Variants in ANXA7 observed in about 807,000 individuals in gnomAD.
ANXA7 encodes the protein annexin VII.
Under a neutral mutation model 64.9 loss-of-function variants are expected in ANXA7, and 55 were observed. The observed-to-expected ratio is 0.85, with a 90% CI of 0.68 to 1.06. ANXA7 has a LOEUF of 1.06. Among genes scored for constraint, ANXA7 ranks in the 50% least tolerant of loss-of-function variants. ANXA7 has a pLI of 0.00. For synonymous variants in ANXA7, 200 were observed against 192.4 expected (o/e 1.04, Z -0.33); for missense variants, 548 against 582.1 (o/e 0.94, Z 0.60).
intron 9 of ANXA7, 109 bp downstream of exon 9, chr10:73,383,066 C>T (rs1210656502): frequency 3.1e-6 from 3 of 955,500 alleles, no homozygotes; most frequent in Non-Finnish European, 4.6e-6. Flanking sequence ...TTAAAGATGG[C>T]AATATTGCAA....
chr10:73,400,881 C>T, intron 1 of ANXA7, 24 bp from the exon 2 acceptor site: 1 of 1,570,554 alleles, frequency 6.4e-7, no homozygotes, highest in South Asian at 1.2e-5. Flanking sequence ...AAAAAATGTC[C>T]TCTGTAAGTT....
At chr10:73,387,823 T>C (rs2055401264) in intron 6 of ANXA7, 40 bp from the exon 7 acceptor site, 1 of 1,310,818 alleles carries the variant, frequency 7.6e-7, no homozygotes, top group Non-Finnish European at 1.1e-6. Context: ...ACAAAGTACA[T>C]GCTAGGTGCT....
At chr10:73,377,785 T>TGG in intron 12 of ANXA7, among the ~76,000 whole-genome samples, 1 of 149,042 alleles carries the variant, frequency 6.7e-6, no homozygotes, top group East Asian at 2.0e-4. Flanking sequence ...TGTGTGTGTG[T>TGG]GTGTGTGTGT....
rs1396504497 is a variant in ANXA7 at position 73,379,007 on chromosome 10, G to A, written c.1182C>T (p.Asn394=). 53 of 1,612,208 alleles carry A rather than the reference G, an allele frequency of 3.3e-5. No homozygotes were observed. Among genetic ancestry groups the A allele is most frequent in the Non-Finnish European group, 4.4e-5 (52 of 1,179,182 alleles). ...GLKTILQCAL[N]RPAFFAERLY... ...GCCTCTCAGCAAAGAAGGCAGGGCG[G>A]TTCAGGGCACACTGCACTGCAAGTT... Residue 394 remains asparagine, a synonymous_variant, in exon 12 of 13, where the codon AAC becomes AAT. Coordinates refer to ENST00000372921, the MANE Select transcript of ANXA7 (RefSeq NM_001156.5).
chr10:73,396,126 A>G, intron 5 of ANXA7: 1 of 1,526,628 alleles, frequency 6.6e-7, no homozygotes, highest in Non-Finnish European at 9.1e-7. Flanking sequence ...AAAGAGTGAA[A>G]AGTTATAAAG....
intron 9 of ANXA7, among the ~76,000 whole-genome samples, chr10:73,381,988 G>C (rs59624262): frequency 0.15 from 23,154 of 151,410 alleles, 2,856 homozygotes; most frequent in African/African-American, 0.32. Flanking sequence ...AAGCGATTCT[G>C]CTGCCTCAGC....
At chr10:73,383,095 G>A in intron 9 of ANXA7, 80 bp downstream of exon 9, 11 of 1,314,492 alleles carry the variant, frequency 8.4e-6, no homozygotes, top group Admixed American at 2.4e-5. Flanking sequence ...AATATTAAAA[G>A]GAATAAAGAA....
chr10:73,401,627 G>A (rs893909127), intron 1 of ANXA7, among the ~76,000 whole-genome samples: 6 of 152,080 alleles, frequency 3.9e-5, no homozygotes, highest in African/African-American at 1.4e-4. Context: ...AGCCTCCCGA[G>A]TAGCTGGGAT....
chr10:73,411,548 C>A (rs1475870705), intron 1 of ANXA7, among the ~76,000 whole-genome samples: 1 of 152,096 alleles, frequency 6.6e-6, no homozygotes, highest in Non-Finnish European at 1.5e-5. Context: ...TCAAGCGATT[C>A]TCCTGTCTCA....
At chr10:73,388,270 T>C (rs1309894657) in intron 6 of ANXA7, 42 bp downstream of exon 6, 2 of 1,411,254 alleles carry the variant, frequency 1.4e-6, no homozygotes, top group Non-Finnish European at 2.0e-6. Context: ...TAGAACTGAT[T>C]ACTTTAACTT....
intron 5 of ANXA7, among the ~76,000 whole-genome samples, chr10:73,390,308 A>C (rs1444559573): frequency 6.6e-6 from 1 of 152,170 alleles, no homozygotes; most frequent in African/African-American, 2.4e-5. Flanking sequence ...CCCATCTTTC[A>C]GCAGCTTTTC....
intron 5 of ANXA7, among the ~76,000 whole-genome samples, chr10:73,391,106 T>G (rs1265171662): frequency 6.7e-6 from 1 of 149,802 alleles, no homozygotes; most frequent in Non-Finnish European, 1.5e-5. Context: ...AGGCGGAGGT[T>G]GCAGTGACCC....
At chr10:73,412,410 C>A (rs970570055) in intron 1 of ANXA7, among the ~76,000 whole-genome samples, 3 of 151,922 alleles carry the variant, frequency 2.0e-5, no homozygotes, top group Non-Finnish European at 4.4e-5. Context: ...AGATTTTAAA[C>A]GTTTTTGTAA....
chr10:73,410,911 G>C (rs1042361286), intron 1 of ANXA7, among the ~76,000 whole-genome samples: 1 of 151,586 alleles, frequency 6.6e-6, no homozygotes, highest in Non-Finnish European at 1.5e-5. Flanking sequence ...AGCTAAAAAA[G>C]ATCTACCATT....
intron 1 of ANXA7, chr10:73,408,360 AC>A (rs1421504449): frequency 3.3e-5 from 5 of 151,916 alleles, no homozygotes; most frequent in African/African-American, 1.2e-4. Context: ...AAGTAGATAG[AC>A]CAAGGGCAAA....
At chr10:73,377,590 A>G (rs1471670500) in intron 12 of ANXA7, 1 of 151,744 alleles carries the variant, frequency 6.6e-6, no homozygotes, top group Non-Finnish European at 1.5e-5. Flanking sequence ...AAAAAAAAAA[A>G]AAAAAAAACA....
Position 73,412,777 on chromosome 10 carries a change from T to C in ANXA7, c.-2+1235A>G, listed in dbSNP as rs1174187582. Among the ~76,000 whole-genome samples, 7 of 149,682 alleles carry C rather than the reference T, an allele frequency of 4.7e-5. No individual in the cohort carries two copies. The South Asian group carries it at 6.3e-4, about 13-fold the overall frequency. ...TCCCAAAGTGCTAGGATTACAGGAG[T>C]GAGCCACCGCGCTCGGGCTTTTTTT... On this transcript the variant is annotated intron_variant, in intron 1 of 12. Coordinates refer to ENST00000372921, the MANE Select transcript of ANXA7 (RefSeq NM_001156.5).
intron 7 of ANXA7, among the ~76,000 whole-genome samples, chr10:73,383,999 T>C (rs951948947): frequency 6.6e-6 from 1 of 151,788 alleles, no homozygotes; most frequent in African/African-American, 2.4e-5. Flanking sequence ...CAGGCACCTG[T>C]AGTCCCAGGT....
At chr10:73,378,142 A>G (rs2055214681) in intron 12 of ANXA7, among the ~76,000 whole-genome samples, 1 of 151,770 alleles carries the variant, frequency 6.6e-6, no homozygotes, top group African/African-American at 2.4e-5. Flanking sequence ...TGGGAGGCCG[A>G]GGCAGGTGGA....
Sources: gnomAD v4.1 joint callset for allele counts (sites outside exome capture counted in the v4.1 genomes callset) on GRCh38, gnomAD v4.1.1 for gene constraint, MANE v1.5 for transcripts, NCBI Gene and HGNC (gene_info 2026-07-23, HGNC 2026-07-21) for gene names.